DOCK11: variants seen among roughly 807,000 people sequenced by gnomAD.
DOCK11 encodes the protein dedicator of cytokinesis protein 11.
A neutral mutation model predicts 169.1 loss-of-function variants in DOCK11; 70 were observed. The ratio of observed to expected loss-of-function variants is 0.41; its 90% CI spans 0.34 to 0.51. The LOEUF (loss-of-function observed/expected upper bound fraction) is 0.51, where lower values mean the gene tolerates loss of function less well. Ranked by LOEUF, DOCK11 falls within the 20% of genes least tolerant of loss-of-function variation. DOCK11 has a pLI of 0.10. For missense variants in DOCK11, 1,166 were observed against 1,538.8 expected, an observed-to-expected ratio of 0.76 and a Z score of 4.05; for synonymous variants, 529 against 541.3, an observed-to-expected ratio of 0.98 and a Z score of 0.32.
In DOCK11 at chrX:118,588,306, G is replaced by A. The variant is rs774494970; in HGVS notation, c.1965G>A (p.Gln655=). 8.5e-7 allele frequency: 1 copy of A among 1,174,076 alleles called. No homozygotes were observed. Among genetic ancestry groups the A allele is most frequent in the Non-Finnish European group, 1.1e-6 (1 of 878,661 alleles). The change falls in exon 17 of 53, where the codon CAG becomes CAA. Residue 655 remains glutamine, a synonymous_variant. Coordinates refer to ENST00000276202, the MANE Select transcript of DOCK11 (RefSeq NM_144658.4). Reference sequence around the variant, plus strand: ...CCCTGCAATTAAAATACGATAGCCAGAAAACATTTGCCAAGGTAACCATGT... The same window carrying A: ...CCCTGCAATTAAAATACGATAGCCAAAAAACATTTGCCAAGGTAACCATGT... The part of the protein sequence containing the change: ...VYPLQLKYDS[Q]KTFAKARNIA...
At chrX:118,636,104 A>G (rs762815350) in intron 35 of DOCK11, among the ~76,000 whole-genome samples, 1 of 111,951 alleles carries the variant, frequency 8.9e-6, no homozygotes, top group Non-Finnish European at 1.9e-5. Context: ...CCAAAAGGAC[A>G]TACACAAAGC....
At chrX:118,512,122 G>T (rs1197117044) in intron 1 of DOCK11, among the ~76,000 whole-genome samples, 1 of 111,521 alleles carries the variant, frequency 9.0e-6, no homozygotes, top group Non-Finnish European at 1.9e-5. Context: ...GGCTGGTCGC[G>T]AACTCCTGAG....
chrX:118,588,710 C>T (rs2013893607), intron 18 of DOCK11, among the ~76,000 whole-genome samples: 3 of 112,143 alleles, frequency 2.7e-5, no homozygotes, highest in Admixed American at 9.5e-5. Context: ...GGCTTTTGCT[C>T]CTTTTTGATT....
In DOCK11 at chrX:118,578,937, A is replaced by G. The variant is rs769757191; in HGVS notation, c.1512+290A>G. On this transcript the variant is annotated intron_variant, in intron 13 of 52. Transcript: ENST00000276202. ...TAGCCGTTCTTTTCCTTACAGCCCT[A>G]CATGAAGTGCTAGAATGAATCTCAG... Among the ~76,000 whole-genome samples, 4 of 111,985 alleles carry G rather than the reference A, an allele frequency of 3.6e-5. No homozygotes were observed. The South Asian group carries it at 1.5e-3, about 42-fold the overall frequency.
chrX:118,557,333 A>G (rs1245925269), intron 6 of DOCK11, among the ~76,000 whole-genome samples: 1 of 111,549 alleles, frequency 9.0e-6, no homozygotes, highest in African/African-American at 3.3e-5. Flanking sequence ...TGAAAGGAGT[A>G]AGAAAGTAAA....
At chrX:118,667,277 A>C (rs1388499943) in intron 45 of DOCK11, among the ~76,000 whole-genome samples, 1 of 111,363 alleles carries the variant, frequency 9.0e-6, no homozygotes, top group Non-Finnish European at 1.9e-5. Flanking sequence ...ATCTGGTCCC[A>C]AAAATCTGTG....
chrX:118,515,305 C>T (rs987769527), intron 1 of DOCK11, among the ~76,000 whole-genome samples: 3 of 112,336 alleles, frequency 2.7e-5, no homozygotes, highest in African/African-American at 9.7e-5. Flanking sequence ...GCAATCTCGG[C>T]TTACCGCAAC....
In DOCK11 at chrX:118,513,243, AT is replaced by A. The variant is rs532321464; in HGVS notation, c.102+17178del. On this transcript the variant is annotated intron_variant, in intron 1 of 52. Coordinates refer to ENST00000276202, the MANE Select transcript of DOCK11 (RefSeq NM_144658.4). ...GTGGCACAGAGCCATCACTGTGTTT[AT>A]TTTTTTTAAACCTTTTCTTTAGCCA... Among the ~76,000 whole-genome samples the A allele has an allele frequency of 6.0e-3, 672 of 111,357 alleles. 11 individuals carry two copies. Among genetic ancestry groups the A allele is most frequent in the East Asian group, 0.059 (209 of 3,522 alleles).
At chrX:118,560,278 G>A (rs1284311601) in intron 6 of DOCK11, among the ~76,000 whole-genome samples, 1 of 111,583 alleles carries the variant, frequency 9.0e-6, no homozygotes, top group Non-Finnish European at 1.9e-5. Context: ...TTTGCCAGAC[G>A]TTAAGTTGTT....
At chrX:118,542,544 G>GTA (rs1425139075) in intron 1 of DOCK11, among the ~76,000 whole-genome samples, 181 bp from the exon 2 acceptor site, 6 of 109,777 alleles carry the variant, frequency 5.5e-5, no homozygotes, top group Admixed American at 2.9e-4. Context: ...GTGTGTGTGT[G>GTA]TATGTGTTTG....
chrX:118,577,656 C>T (rs192371961), intron 12 of DOCK11, among the ~76,000 whole-genome samples: 1 of 111,816 alleles, frequency 8.9e-6, no homozygotes, highest in East Asian at 2.8e-4. Context: ...AATCATTAGC[C>T]TCTTAACACT....
At chrX:118,504,952 G>C (rs1386979971) in intron 1 of DOCK11, among the ~76,000 whole-genome samples, 1 of 112,656 alleles carries the variant, frequency 8.9e-6, no homozygotes, top group East Asian at 2.8e-4. Context: ...AGATGACCTT[G>C]GGCCAATTAT....
At chrX:118,519,155 T>C (rs1020848891) in intron 1 of DOCK11, among the ~76,000 whole-genome samples, 1 of 112,051 alleles carries the variant, frequency 8.9e-6, no homozygotes, top group African/African-American at 3.2e-5. Context: ...TATGGAGACT[T>C]ACAGCAAATG....
At chrX:118,589,256 G>A (rs1435270203) in intron 18 of DOCK11, among the ~76,000 whole-genome samples, 1 of 110,917 alleles carries the variant, frequency 9.0e-6, no homozygotes, top group African/African-American at 3.3e-5. Context: ...TTAAATTAAG[G>A]ATTTGCTGGC....
At chrX:118,681,033 T>C in intron 49 of DOCK11, 25 bp from the exon 50 acceptor site, 2 of 1,116,593 alleles carry the variant, frequency 1.8e-6, no homozygotes, top group East Asian at 6.2e-5. Context: ...CTAAAGTCAG[T>C]AAATCAATCT....
chrX:118,512,737 C>T (rs2057657611), intron 1 of DOCK11, among the ~76,000 whole-genome samples: 1 of 111,228 alleles, frequency 9.0e-6, no homozygotes, highest in Admixed American at 9.6e-5. Flanking sequence ...TGCCTGCCCT[C>T]CTTTTTTCCA....
rs750617341 is a variant in DOCK11, at chrX:118,681,811, T to C, written c.5963+17T>C. 1 of 1,153,551 alleles carries C rather than the reference T, an allele frequency of 8.7e-7. No individual in the cohort carries two copies. Among genetic ancestry groups the C allele is most frequent in the East Asian group, 3.0e-5 (1 of 33,039 alleles). On this transcript the variant is annotated intron_variant, in intron 51 of 52. Transcript: ENST00000276202. ...CATGTTTAGGTAAGTGTTTTATAGT[T>C]TTCAGGTTAGACCCGTGTTCGTTTT...
intron 28 of DOCK11, among the ~76,000 whole-genome samples, chrX:118,611,776 A>G (rs1395563078): frequency 1.8e-5 from 2 of 110,519 alleles, no homozygotes; most frequent in Non-Finnish European, 3.8e-5. Context: ...TTAATTTGAG[A>G]CAGAGTCTCG....
At chrX:118,643,661 G>C (rs1015239046) in intron 40 of DOCK11, 67 bp downstream of exon 40, 4 of 1,123,677 alleles carry the variant, frequency 3.6e-6, no homozygotes, top group Non-Finnish European at 4.8e-6. Flanking sequence ...ATGGGACAAT[G>C]GGGGTCATTG....
Sources: gnomAD v4.1 joint callset for allele counts (sites outside exome capture counted in the v4.1 genomes callset) on GRCh38, gnomAD v4.1.1 for gene constraint, MANE v1.5 for transcripts, NCBI Gene and HGNC (gene_info 2026-07-23, HGNC 2026-07-21) for gene names.